ELP4: variants seen among roughly 807,000 people sequenced by gnomAD.
ELP4 encodes the protein elongator complex protein 4.
In ELP4, 51 loss-of-function variants were observed where a neutral mutation model predicts 48.9. The observed-to-expected ratio is 1.04, with a 90% confidence interval of 0.83 to 1.32. ELP4 has a LOEUF of 1.32. Ranked by LOEUF, ELP4 falls within the 40% of genes most tolerant of loss-of-function variation. ELP4 has a pLI of 0.00. For missense variants in ELP4, 519 were observed against 514.6 expected (o/e 1.01, Z -0.08); for synonymous variants, 210 against 189.2 (o/e 1.11, Z -0.90).
chr11:31,776,861 G>T (rs1452350213), intron 9 of ELP4, among the ~76,000 whole-genome samples: 1 of 152,132 alleles, frequency 6.6e-6, no homozygotes, highest in Non-Finnish European at 1.5e-5. Context: ...GGCATGAATT[G>T]GGCCTTAAAC....
intron 3 of ELP4, among the ~76,000 whole-genome samples, chr11:31,592,935 A>C (rs1188192593): frequency 6.6e-6 from 1 of 152,208 alleles, no homozygotes; most frequent in Admixed American, 6.5e-5. Flanking sequence ...ATAAGAGGAC[A>C]GTGTGATATA....
intron 9 of ELP4, among the ~76,000 whole-genome samples, chr11:31,690,561 A>G: frequency 6.6e-6 from 1 of 152,134 alleles, no homozygotes; most frequent in East Asian, 1.9e-4. Context: ...TTTAACCTTT[A>G]TCCTCTTACA....
chr11:31,757,734 G>T (rs919479694), intron 9 of ELP4, among the ~76,000 whole-genome samples: 3 of 152,152 alleles, frequency 2.0e-5, no homozygotes, highest in African/African-American at 7.2e-5. Context: ...CCCTGGGCCT[G>T]ATAGGACTCA....
intron 1 of ELP4, among the ~76,000 whole-genome samples, chr11:31,515,055 A>ATATATG (rs1554955211): frequency 6.8e-6 from 1 of 147,510 alleles, no homozygotes; most frequent in East Asian, 2.0e-4. Flanking sequence ...ATATATATAT[A>ATATATG]TGTATAGGTC....
intron 9 of ELP4, among the ~76,000 whole-genome samples, chr11:31,681,115 C>T (rs929886034): frequency 1.3e-5 from 2 of 152,092 alleles, no homozygotes; most frequent in Non-Finnish European, 2.9e-5. Flanking sequence ...TAAAAATTTA[C>T]ACTCACTTTG....
At chr11:31,539,410 G>A (rs1194923440) in intron 2 of ELP4, among the ~76,000 whole-genome samples, 1 of 152,032 alleles carries the variant, frequency 6.6e-6, no homozygotes, top group African/African-American at 2.4e-5. Flanking sequence ...CCGAGATTGC[G>A]CCACTGCACC....
At chr11:31,732,469 T>TAAA (rs34416979) in intron 9 of ELP4, among the ~76,000 whole-genome samples, 22 of 136,640 alleles carry the variant, frequency 1.6e-4, no homozygotes, top group African/African-American at 5.1e-4. Flanking sequence ...AGCATGTCAC[T>TAAA]AAAAAAAAAA....
chr11:31,742,883 C>A (rs1357467455), intron 9 of ELP4, among the ~76,000 whole-genome samples: 1 of 152,134 alleles, frequency 6.6e-6, no homozygotes, highest in African/African-American at 2.4e-5. Flanking sequence ...ATGACAGGAT[C>A]AAATTCACAC....
At chr11:31,684,697 T>C (rs1946126585) in intron 9 of ELP4, among the ~76,000 whole-genome samples, 1 of 152,158 alleles carries the variant, frequency 6.6e-6, no homozygotes, top group African/African-American at 2.4e-5. Context: ...GATGTGCTTT[T>C]CAATAAATAG....
intron 5 of ELP4, among the ~76,000 whole-genome samples, chr11:31,606,226 TAATTA>T (rs1957871766): frequency 6.6e-6 from 1 of 152,120 alleles, no homozygotes; most frequent in Admixed American, 6.6e-5. Flanking sequence ...TTTAAACATG[TAATTA>T]AATTAATTTT....
At chr11:31,660,295 T>C (rs1222546843) in intron 9 of ELP4, among the ~76,000 whole-genome samples, 2 of 152,106 alleles carry the variant, frequency 1.3e-5, no homozygotes, top group Non-Finnish European at 2.9e-5. Context: ...GGTGTAGCAT[T>C]GAAAAAGATG....
rs115045926 is a variant in ELP4, at chr11:31,789,092, C to T, written c.*5568C>T. ...CTCTAGATGCACAAAATGATTGGAC[C>T]GTGAACAGTAATACAACTATATCTA... On this transcript the variant is annotated 3_prime_UTR_variant, in exon 10 of 10. Coordinates refer to ENST00000640961, the MANE Select transcript of ELP4 (RefSeq NM_019040.5). 9.0e-3 allele frequency: 1,805 copies of T among 201,584 alleles called. 41 individuals are homozygous for T. The highest frequency in any genetic ancestry group is 0.038 in the African/African-American group (1,674 of 43,670). 12.5% of individuals were successfully genotyped at this position (201,584 alleles called of 1,614,324 possible). A position where few individuals can be genotyped will look rare whatever the true frequency, so the allele number is the denominator to read the frequency against.
intron 2 of ELP4, among the ~76,000 whole-genome samples, chr11:31,527,454 C>A (rs1030699110): frequency 1.3e-5 from 2 of 151,978 alleles, no homozygotes; most frequent in African/African-American, 4.8e-5. Context: ...GAAGCTTTCC[C>A]TACTTCCAAA....
At chr11:31,777,960 AT>A in intron 9 of ELP4, among the ~76,000 whole-genome samples, 1 of 152,332 alleles carries the variant, frequency 6.6e-6, no homozygotes, top group Admixed American at 6.5e-5. Context: ...AGAGATGAGT[AT>A]ATCATCCTGC....
chr11:31,540,954 G>T (rs1367304971), intron 3 of ELP4, among the ~76,000 whole-genome samples: 1 of 152,118 alleles, frequency 6.6e-6, no homozygotes, highest in African/African-American at 2.4e-5. Flanking sequence ...TTCCCTCAGA[G>T]AGGACACTTT....
At chr11:31,695,188 A>C (rs1357716956) in intron 9 of ELP4, among the ~76,000 whole-genome samples, 1 of 152,118 alleles carries the variant, frequency 6.6e-6, no homozygotes, top group African/African-American at 2.4e-5. Context: ...AACTTCCAAC[A>C]CTATGTTGAA....
intron 9 of ELP4, chr11:31,767,403 A>AAT (rs34871050): frequency 1.3e-5 from 2 of 151,564 alleles, no homozygotes; most frequent in Non-Finnish European, 2.9e-5. Context: ...AAAAAAAAAA[A>AAT]TTAGCTCAAG....
chr11:31,514,987 TTGC>T (rs1356011290), intron 1 of ELP4, among the ~76,000 whole-genome samples: 1 of 149,860 alleles, frequency 6.7e-6, no homozygotes, highest in African/African-American at 2.5e-5. Context: ...TAGAGAAATT[TTGC>T]TGCTGTATGC....
chr11:31,589,683 ATAG>A (rs1337174881), intron 3 of ELP4, among the ~76,000 whole-genome samples: 13 of 152,182 alleles, frequency 8.5e-5, no homozygotes, highest in African/African-American at 3.1e-4. Context: ...GACAAGTTCT[ATAG>A]TAGTATATTT....
Sources: allele counts gnomAD v4.1 joint callset (sites outside exome capture counted in the v4.1 genomes callset), GRCh38; gene constraint gnomAD v4.1.1; transcripts MANE v1.5; gene names NCBI Gene and HGNC (gene_info 2026-07-23, HGNC 2026-07-21).